RGS6: variants seen among roughly 807,000 people sequenced by gnomAD.
RGS6 encodes regulator of G-protein signaling 6.
In RGS6, 30 loss-of-function variants were observed where a neutral mutation model predicts 78.5. The ratio of observed to expected loss-of-function variants is 0.38; its 90% CI spans 0.29 to 0.52. The LOEUF is 0.52. Among genes scored for constraint, RGS6 ranks in the 20% least tolerant of loss-of-function variants. The pLI is 0.85. For synonymous variants in RGS6, 206 were observed against 206.0 expected (o/e 1.00, Z 0.00); for missense variants, 495 against 609.7 (o/e 0.81, Z 1.98).
intron 2 of RGS6, among the ~76,000 whole-genome samples, chr14:72,112,951 G>A (rs1296072732): frequency 6.6e-6 from 1 of 152,230 alleles, no homozygotes; most frequent in Non-Finnish European, 1.5e-5. Context: ...TGAATCAAAT[G>A]CAGAAAACAG....
the RGS6 span, among the ~76,000 whole-genome samples, chr14:72,584,531 C>A: frequency 2.0e-5 from 3 of 152,112 alleles, no homozygotes; most frequent in Non-Finnish European, 4.4e-5. Context: ...AAGGAGGGAC[C>A]AGATAACCAT....
intron 3 of RGS6, among the ~76,000 whole-genome samples, chr14:72,353,039 C>T (rs1280808491): frequency 6.6e-6 from 1 of 152,142 alleles, no homozygotes; most frequent in Non-Finnish European, 1.5e-5. Flanking sequence ...AAAATATTGA[C>T]AGTACCAAGT....
At chr14:71,962,030 C>G (rs1451627219) in intron 1 of RGS6, among the ~76,000 whole-genome samples, 1 of 152,204 alleles carries the variant, frequency 6.6e-6, no homozygotes, top group Non-Finnish European at 1.5e-5. Flanking sequence ...TCTATAACAT[C>G]TGTTGACCTA....
intron 2 of RGS6, among the ~76,000 whole-genome samples, chr14:72,126,586 C>T (rs2096199129): frequency 6.6e-6 from 1 of 152,202 alleles, no homozygotes; most frequent in Admixed American, 6.5e-5. Context: ...TCTCCAATGC[C>T]ACTGAATTCC....
chr14:72,619,434 C>T, the RGS6 span: 16 of 1,493,054 alleles, frequency 1.1e-5, 1 homozygote, highest in South Asian at 1.8e-4. Context: ...CCCACTGGCC[C>T]TAACTTCTTG....
intron 2 of RGS6, among the ~76,000 whole-genome samples, chr14:72,188,623 A>T (rs1271970176): frequency 6.6e-6 from 1 of 152,210 alleles, no homozygotes; most frequent in Non-Finnish European, 1.5e-5. Flanking sequence ...ATCTTTGTAT[A>T]ACTGCATTAA....
At chr14:71,947,683 C>T (rs1415079117) in intron 1 of RGS6, among the ~76,000 whole-genome samples, 2 of 152,184 alleles carry the variant, frequency 1.3e-5, no homozygotes, top group South Asian at 4.1e-4. Context: ...AGGGTTTCAT[C>T]ATATTGCCTA....
At chr14:72,608,488 G>T in the RGS6 span, among the ~76,000 whole-genome samples, 1 of 152,090 alleles carries the variant, frequency 6.6e-6, no homozygotes, top group African/African-American at 2.4e-5. Context: ...CAATGACTCA[G>T]CTGGCTTCTA....
chr14:72,497,119 G>A (rs748245487), intron 13 of RGS6, among the ~76,000 whole-genome samples: 9 of 152,176 alleles, frequency 5.9e-5, no homozygotes, highest in South Asian at 2.1e-4. Context: ...AGTAGAATTC[G>A]TAGAAATGGT....
chr14:72,220,525 C>T (rs2046624817), intron 2 of RGS6, among the ~76,000 whole-genome samples: 1 of 152,156 alleles, frequency 6.6e-6, no homozygotes, highest in African/African-American at 2.4e-5. Context: ...CAAAACATTT[C>T]CGTAAATATT....
At chr14:72,599,470 G>A in the RGS6 span, among the ~76,000 whole-genome samples, 1 of 121,626 alleles carries the variant, frequency 8.2e-6, no homozygotes, top group African/African-American at 3.2e-5. Context: ...GTGCACTGGG[G>A]CAATCTTGGC....
chr14:72,091,600 T>A (rs1265159628), intron 2 of RGS6, among the ~76,000 whole-genome samples: 3 of 152,190 alleles, frequency 2.0e-5, no homozygotes, highest in Non-Finnish European at 2.9e-5. Context: ...CTATCCACTG[T>A]GGAATCTTAC....
the RGS6 span, among the ~76,000 whole-genome samples, chr14:71,914,663 T>C: frequency 4.5e-3 from 687 of 152,196 alleles, 7 homozygotes; most frequent in African/African-American, 0.016. Context: ...TCACTCTTGT[T>C]GCCCAGGCTG....
chr14:72,157,675 C>T (rs894787178), intron 2 of RGS6, among the ~76,000 whole-genome samples: 5 of 152,014 alleles, frequency 3.3e-5, no homozygotes, highest in African/African-American at 9.7e-5. Context: ...TTCGGACAGG[C>T]GGGCCACATG....
intron 2 of RGS6, among the ~76,000 whole-genome samples, chr14:72,232,442 T>C (rs566431059): frequency 6.6e-6 from 1 of 152,294 alleles, no homozygotes; most frequent in Admixed American, 6.5e-5. Context: ...AACATTCTCT[T>C]CCTAATATCC....
At chr14:71,958,451 C>T (rs769948583) in intron 1 of RGS6, among the ~76,000 whole-genome samples, 5 of 152,108 alleles carry the variant, frequency 3.3e-5, no homozygotes, top group Non-Finnish European at 5.9e-5. Flanking sequence ...ATCAGCAGGC[C>T]GGGCTGAGAA....
At chr14:72,581,480 A>G in the RGS6 span, among the ~76,000 whole-genome samples, 45 of 151,960 alleles carry the variant, frequency 3.0e-4, no homozygotes, top group Non-Finnish European at 5.6e-4. Flanking sequence ...TATTTTCCAC[A>G]CTGCAGCCAG....
the RGS6 span, among the ~76,000 whole-genome samples, chr14:72,577,005 G>C: frequency 6.6e-6 from 1 of 152,176 alleles, no homozygotes; most frequent in Non-Finnish European, 1.5e-5. Context: ...AGTGCAATCT[G>C]TATAGTGAGG....
At chr14:72,614,694 T>C in the RGS6 span, among the ~76,000 whole-genome samples, 1 of 147,814 alleles carries the variant, frequency 6.8e-6, no homozygotes, top group Non-Finnish European at 1.5e-5. Flanking sequence ...GGGAGCTGAA[T>C]CAGTGTTCAG....
Sources: gnomAD v4.1 joint callset for allele counts (sites outside exome capture counted in the v4.1 genomes callset) on GRCh38, gnomAD v4.1.1 for gene constraint, MANE v1.5 for transcripts, NCBI Gene and HGNC (gene_info 2026-07-23, HGNC 2026-07-21) for gene names.